NRG1: variants seen among roughly 807,000 people sequenced by gnomAD.
NRG1 encodes pro-neuregulin-1, membrane-bound isoform.
A neutral mutation model predicts 63.8 loss-of-function variants in NRG1; 18 were observed. That is an observed-to-expected ratio of 0.28 (90% CI 0.19 to 0.42). The LOEUF is 0.42. Among genes scored for constraint, NRG1 ranks in the 10% least tolerant of loss-of-function variants. NRG1 has a pLI of 1.00. For missense variants in NRG1, 762 were observed against 814.7 expected (o/e 0.94, Z 0.79); for synonymous variants, 302 against 301.3 (o/e 1.00, Z -0.02).
In NRG1 at chr8:32,746,030, CAT is replaced by C. The variant is rs748366850; in HGVS notation, c.691+3298_691+3299del. 1.7e-4 allele frequency among the ~76,000 whole-genome samples: 26 copies of C among 152,232 alleles called. No homozygotes were observed. In the East Asian group the frequency reaches 2.9e-3, roughly 17 times the overall value. ...GTTGAAATTATTCTTGTTCATCAAA[CAT>C]GTATCTTGCTAAAAGTAGAATAGAG... On this transcript the variant is annotated intron_variant, in intron 7 of 11. Coordinates refer to ENST00000356819, the Ensembl canonical transcript of NRG1.
At chr8:32,496,672 G>T (rs985027783) in intron 1 of NRG1, among the ~76,000 whole-genome samples, 1 of 152,088 alleles carries the variant, frequency 6.6e-6, no homozygotes, top group Admixed American at 6.6e-5. Context: ...ATTATGTAGG[G>T]CTTGTCTTTC....
At chr8:31,962,121 T>C (rs1427359606) in intron 1 of NRG1, among the ~76,000 whole-genome samples, 2 of 152,160 alleles carry the variant, frequency 1.3e-5, no homozygotes, top group African/African-American at 4.8e-5. Flanking sequence ...AAATAAGTGG[T>C]TATAATTTTA....
intron 6 of NRG1, among the ~76,000 whole-genome samples, chr8:32,737,566 AATT>A (rs946271418): frequency 6.6e-6 from 1 of 152,112 alleles, no homozygotes; most frequent in Non-Finnish European, 1.5e-5. Context: ...ATAAAAAAAA[AATT>A]ATCTGGGAGT....
intron 5 of NRG1, among the ~76,000 whole-genome samples, chr8:32,640,392 T>A (rs528095796): frequency 6.6e-6 from 1 of 152,110 alleles, no homozygotes; most frequent in South Asian, 2.1e-4. Context: ...TCGTTTTCAT[T>A]TGGATGCATT....
At chr8:32,166,335 T>C (rs1272581710) in intron 1 of NRG1, among the ~76,000 whole-genome samples, 2 of 152,300 alleles carry the variant, frequency 1.3e-5, no homozygotes, top group South Asian at 2.1e-4. Context: ...ACAGTGGCCA[T>C]AGTGATATTT....
chr8:31,723,121 A>G (rs2131315824), intron 1 of NRG1, among the ~76,000 whole-genome samples: 1 of 152,306 alleles, frequency 6.6e-6, no homozygotes, highest in African/African-American at 2.4e-5. Flanking sequence ...GATCTTATAA[A>G]ATAAATAAAG....
At chr8:32,660,153 T>C (rs1802501553) in intron 5 of NRG1, among the ~76,000 whole-genome samples, 1 of 152,176 alleles carries the variant, frequency 6.6e-6, no homozygotes, top group African/African-American at 2.4e-5. Flanking sequence ...CCAAAACTTT[T>C]TGAGCATCAC....
intron 1 of NRG1, among the ~76,000 whole-genome samples, chr8:31,915,622 G>A (rs571423394): frequency 1.3e-5 from 2 of 152,104 alleles, no homozygotes; most frequent in East Asian, 1.9e-4. Context: ...ATATTGCAAG[G>A]TAGTTATAAA....
At chr8:32,759,730 T>C (rs1478293278) in intron 10 of NRG1, among the ~76,000 whole-genome samples, 1 of 152,178 alleles carries the variant, frequency 6.6e-6, no homozygotes, top group Non-Finnish European at 1.5e-5. Flanking sequence ...TACTTAGAAG[T>C]CAATTTCTTT....
chr8:31,824,676 G>A (rs1051145574), intron 1 of NRG1, among the ~76,000 whole-genome samples: 1 of 152,222 alleles, frequency 6.6e-6, no homozygotes, highest in African/African-American at 2.4e-5. Context: ...TTCTGCAGAT[G>A]CATGTAAAGC....
At chr8:32,363,818 A>G (rs1301841352) in intron 1 of NRG1, among the ~76,000 whole-genome samples, 1 of 152,132 alleles carries the variant, frequency 6.6e-6, no homozygotes, top group Non-Finnish European at 1.5e-5. Context: ...AGATCAGAAA[A>G]CAGATAAATG....
At chr8:32,393,179 G>A (rs1404102771) in intron 1 of NRG1, among the ~76,000 whole-genome samples, 6 of 151,988 alleles carry the variant, frequency 3.9e-5, no homozygotes, top group African/African-American at 1.5e-4. Context: ...TTATTATTTG[G>A]AGAAAGACAG....
At position 31,953,269 on chromosome 8, in the gene NRG1, G is replaced by C. The variant is rs148934221; in HGVS notation, c.37+313838G>C. ...CGTCAACAAATATGACGGATGGATA[G>C]AGGGATAGATAAATGGGTGGATATG... is the stretch of plus-strand genomic sequence containing the variant. On this transcript the variant is annotated intron_variant, in intron 1 of 10. Coordinates refer to the NRG1 transcript ENST00000519301. 1.9e-3 allele frequency among the ~76,000 whole-genome samples: 283 copies of C among 152,318 alleles called. 6 individuals carry two copies. The Middle Eastern group carries it at 0.02, about 11-fold the overall frequency.
intron 1 of NRG1, among the ~76,000 whole-genome samples, chr8:32,456,734 G>C (rs1435164448): frequency 1.4e-4 from 22 of 152,142 alleles, no homozygotes; most frequent in Non-Finnish European, 3.2e-4. Flanking sequence ...AATTCTGGGG[G>C]AGTCAAAAGG....
chr8:32,413,140 T>C (rs527986850), intron 1 of NRG1, among the ~76,000 whole-genome samples: 1 of 152,208 alleles, frequency 6.6e-6, no homozygotes, highest in Admixed American at 6.5e-5. Context: ...GAATTTACCC[T>C]AAGTAATAAT....
intron 11 of NRG1, chr8:32,763,362 A>G (rs1451546770): frequency 4.3e-6 from 7 of 1,613,660 alleles, no homozygotes; most frequent in Non-Finnish European, 5.1e-6. Flanking sequence ...TTAGGAAGGT[A>G]TAGTATTTAA....
intron 1 of NRG1, chr8:32,171,428 A>G (rs1220133745): frequency 2.0e-5 from 3 of 152,302 alleles, no homozygotes; most frequent in South Asian, 2.1e-4. Context: ...AGCGACGCAG[A>G]AGACAGGTGA....
chr8:31,755,484 G>C (rs886995589), intron 1 of NRG1, among the ~76,000 whole-genome samples: 1 of 152,000 alleles, frequency 6.6e-6, no homozygotes, highest in African/African-American at 2.4e-5. Context: ...AGCTGCTTTT[G>C]TTTGAGTGAC....
At chr8:32,760,496 C>G in intron 11 of NRG1, 90 bp downstream of exon 11, 4 of 1,579,962 alleles carry the variant, frequency 2.5e-6, no homozygotes, top group Non-Finnish European at 3.4e-6. Context: ...GAAATCTACT[C>G]TAATCAGAAT....
Sources: allele counts gnomAD v4.1 joint callset (sites outside exome capture counted in the v4.1 genomes callset), GRCh38; gene constraint gnomAD v4.1.1; transcripts MANE v1.5; gene names NCBI Gene and HGNC (gene_info 2026-07-23, HGNC 2026-07-21).